PCDH15: variants seen among roughly 807,000 people sequenced by gnomAD.
The protein encoded by PCDH15 is protocadherin-15.
PCDH15 carries 129 observed loss-of-function variants against 178.5 expected under a neutral mutation model. That is an observed-to-expected ratio of 0.72 (90% CI 0.63 to 0.84). The LOEUF (loss-of-function observed/expected upper bound fraction) is 0.84, where lower values mean the gene tolerates loss of function less well. Ranked by LOEUF, PCDH15 falls within the 40% of genes least tolerant of loss-of-function variation. The pLI is 0.00. For missense variants in PCDH15, 2,230 were observed against 2,099.9 expected (o/e 1.06, Z -1.21); for synonymous variants, 800 against 732.0 (o/e 1.09, Z -1.50).
chr10:55,183,937 T>A (rs145045059), intron 1 of PCDH15, among the ~76,000 whole-genome samples: 1 of 152,116 alleles, frequency 6.6e-6, no homozygotes, highest in African/African-American at 2.4e-5. Flanking sequence ...CACTTTGTAC[T>A]TCTAGCTGTG....
chr10:54,029,017 G>T (rs577257307), intron 18 of PCDH15, among the ~76,000 whole-genome samples: 4 of 152,042 alleles, frequency 2.6e-5, no homozygotes, highest in Non-Finnish European at 4.4e-5. Flanking sequence ...ACATCTAATG[G>T]AAACAAAGGG....
chr10:54,260,724 C>T (rs6481076), intron 8 of PCDH15, among the ~76,000 whole-genome samples: 104,228 of 151,952 alleles, frequency 0.69, 36,713 homozygotes, highest in Middle Eastern at 0.76. Context: ...GGAACTACTA[C>T]TACTACTACA....
chr10:54,100,093 C>T (rs941240270), intron 15 of PCDH15, among the ~76,000 whole-genome samples: 1 of 152,098 alleles, frequency 6.6e-6, no homozygotes, highest in Non-Finnish European at 1.5e-5. Context: ...AGTGGTCGGG[C>T]ATGGTGGCTC....
intron 2 of PCDH15, among the ~76,000 whole-genome samples, chr10:55,608,806 T>A (rs564933166): frequency 5.3e-5 from 8 of 151,984 alleles, no homozygotes; most frequent in Non-Finnish European, 1.0e-4. Flanking sequence ...AAAGCAATCA[T>A]GATGAAGAAA....
At chr10:53,842,159 TGAG>T (rs2077695304) in intron 28 of PCDH15, among the ~76,000 whole-genome samples, 1 of 152,180 alleles carries the variant, frequency 6.6e-6, no homozygotes, top group Admixed American at 6.5e-5. Flanking sequence ...GATATAATGT[TGAG>T]GAGTACAGAT....
intron 1 of PCDH15, among the ~76,000 whole-genome samples, chr10:54,793,719 T>TAC (rs1473836143): frequency 6.7e-6 from 1 of 148,518 alleles, no homozygotes; most frequent in African/African-American, 2.4e-5. Context: ...TACATATATA[T>TAC]ACACTTGTGT....
intron 1 of PCDH15, among the ~76,000 whole-genome samples, chr10:55,258,898 A>T (rs1281362778): frequency 2.0e-5 from 3 of 151,962 alleles, no homozygotes; most frequent in Non-Finnish European, 4.4e-5. Flanking sequence ...ACTGAAACTC[A>T]TCAGATTATA....
intron 18 of PCDH15, among the ~76,000 whole-genome samples, chr10:54,024,116 C>G (rs934646706): frequency 2.6e-5 from 4 of 152,044 alleles, no homozygotes; most frequent in African/African-American, 9.7e-5. Flanking sequence ...TGTAAAATCA[C>G]TTTGCATCAA....
chr10:55,455,532 A>T (rs368789791), intron 2 of PCDH15, among the ~76,000 whole-genome samples: 2 of 152,130 alleles, frequency 1.3e-5, no homozygotes, highest in East Asian at 1.9e-4. Flanking sequence ...TTTAAAAATC[A>T]TTATCAGAAC....
intron 2 of PCDH15, among the ~76,000 whole-genome samples, chr10:55,354,570 C>T (rs536704002): frequency 3.1e-4 from 47 of 152,084 alleles, no homozygotes; most frequent in African/African-American, 1.1e-3. Context: ...TCACATAAGT[C>T]ATAAACAGTT....
At chr10:55,342,667 T>C (rs1844637693) in intron 2 of PCDH15, among the ~76,000 whole-genome samples, 1 of 152,036 alleles carries the variant, frequency 6.6e-6, no homozygotes, top group Non-Finnish European at 1.5e-5. Flanking sequence ...TTGGCAGGAC[T>C]AAAATTAGAA....
intron 10 of PCDH15, among the ~76,000 whole-genome samples, chr10:54,198,893 T>C (rs74853755): frequency 0.014 from 2,192 of 152,058 alleles, 41 homozygotes; most frequent in African/African-American, 0.05. Flanking sequence ...ACACAATATA[T>C]AGGTGGTGAG....
intron 2 of PCDH15, among the ~76,000 whole-genome samples, chr10:55,154,458 A>G (rs2132105259): frequency 6.6e-6 from 1 of 152,288 alleles, no homozygotes; most frequent in South Asian, 2.1e-4. Flanking sequence ...AAATAGGCTC[A>G]CACTACAAAA....
intron 2 of PCDH15, among the ~76,000 whole-genome samples, chr10:54,561,194 T>C (rs1214165905): frequency 2.0e-5 from 3 of 152,130 alleles, no homozygotes; most frequent in South Asian, 2.1e-4. Context: ...AGGAAGTTTA[T>C]TTTCATAATA....
chr10:55,256,359 G>C (rs996474785), intron 1 of PCDH15, among the ~76,000 whole-genome samples: 1 of 152,202 alleles, frequency 6.6e-6, no homozygotes, highest in Non-Finnish European at 1.5e-5. Context: ...TCTCACTGGG[G>C]AGTGTCGGAA....
intron 8 of PCDH15, among the ~76,000 whole-genome samples, chr10:54,288,577 GC>G (rs1256116800): frequency 6.6e-5 from 10 of 152,190 alleles, no homozygotes; most frequent in Non-Finnish European, 2.9e-5. Flanking sequence ...CACCCAGGAA[GC>G]ACAAGGGGTC....
chr10:54,819,657 A>G (rs1315700962), intron 3 of PCDH15, among the ~76,000 whole-genome samples: 2 of 152,060 alleles, frequency 1.3e-5, no homozygotes, highest in Admixed American at 6.6e-5. Flanking sequence ...GTGGCATTCA[A>G]TAATATGTAA....
chr10:55,121,358 T>TG (rs35173407), intron 2 of PCDH15, among the ~76,000 whole-genome samples: 79,451 of 148,626 alleles, frequency 0.53, 24,577 homozygotes, highest in Non-Finnish European at 0.69. Flanking sequence ...GGCTCAGAGC[T>TG]GGGGGGGGGC....
intron 10 of PCDH15, among the ~76,000 whole-genome samples, chr10:54,205,559 A>G (rs967863812): frequency 2.0e-5 from 3 of 148,624 alleles, no homozygotes; most frequent in Non-Finnish European, 3.0e-5. Context: ...CCTGTGCTCC[A>G]TGAATCAATG....
Sources: gnomAD v4.1 joint callset for allele counts (sites outside exome capture counted in the v4.1 genomes callset) on GRCh38, gnomAD v4.1.1 for gene constraint, MANE v1.5 for transcripts, NCBI Gene and HGNC (gene_info 2026-07-23, HGNC 2026-07-21) for gene names.